Variants in SLC22A23 observed in about 807,000 individuals in gnomAD.
The protein encoded by SLC22A23 is ion transporter protein.
A neutral mutation model predicts 61.0 loss-of-function variants in SLC22A23; 26 were observed. That is an observed-to-expected ratio of 0.43 (90% CI 0.31 to 0.59). SLC22A23 has a LOEUF of 0.59. Ranked by LOEUF, SLC22A23 falls within the 20% of genes least tolerant of loss-of-function variation. The pLI is 0.11. For missense variants in SLC22A23, 796 were observed against 934.7 expected (o/e 0.85, Z 1.94); for synonymous variants, 430 against 413.9 (o/e 1.04, Z -0.47).
chr6:3,286,827 C>T lies in SLC22A23; in HGVS notation c.1546+32G>A, dbSNP rs1479228272. ...CTTGGGGATCTGCCAGCTTCCCTCC[C>T]TGCACCCAGCCCACCTCCCCGACCC... On this transcript the variant is annotated intron_variant, in intron 7 of 9. Coordinates refer to ENST00000406686, the MANE Select transcript of SLC22A23 (RefSeq NM_015482.2). The surrounding 1 kb of genome is among the most constrained non-coding windows in gnomAD (Gnocchi z 4.2). 6.5e-7 allele frequency: 1 copy of T among 1,547,764 alleles called. No individual in the cohort carries two copies. Among genetic ancestry groups the T allele is most frequent in the Non-Finnish European group, 8.8e-7 (1 of 1,141,544 alleles).
At chr6:3,350,997 C>T (rs1764736757) in intron 3 of SLC22A23, among the ~76,000 whole-genome samples, 1 of 151,240 alleles carries the variant, frequency 6.6e-6, no homozygotes, top group Non-Finnish European at 1.5e-5. Context: ...AAAAAAAATC[C>T]CTTTTGAATT....
intron 1 of SLC22A23, among the ~76,000 whole-genome samples, chr6:3,446,140 G>A (rs1169720690): frequency 6.6e-6 from 1 of 152,180 alleles, no homozygotes; most frequent in Non-Finnish European, 1.5e-5. Flanking sequence ...CAAGCACAAC[G>A]GGAGGGTCAC....
chr6:3,391,559 C>T (rs1767664546), intron 3 of SLC22A23, among the ~76,000 whole-genome samples: 1 of 152,332 alleles, frequency 6.6e-6, no homozygotes, highest in East Asian at 1.9e-4. Context: ...TTCATTCATT[C>T]ATCAAACTAG....
chr6:3,272,019 C>G lies in SLC22A23; in HGVS notation c.*1036G>C, dbSNP rs1758506843. 6.6e-6 allele frequency: 1 copy of G among 152,546 alleles called. No homozygotes were observed. Among genetic ancestry groups the G allele is most frequent in the Non-Finnish European group, 1.5e-5 (1 of 68,238 alleles). The allele number at this position is 152,546 out of a possible 1,614,324, so 9.4% of individuals were successfully genotyped here. A position where few individuals can be genotyped will look rare whatever the true frequency, so the allele number is the denominator to read the frequency against. On this transcript the variant is annotated 3_prime_UTR_variant, in exon 10 of 10. Coordinates refer to ENST00000406686, the MANE Select transcript of SLC22A23 (RefSeq NM_015482.2). ...AGGGGGCCCAGCTCCTGCGGGTGCT[C>G]CCTGGAGTGATGTCTGAGGTGACGG...
At chr6:3,285,396 T>C (rs879134458) in intron 7 of SLC22A23, among the ~76,000 whole-genome samples, 1 of 152,104 alleles carries the variant, frequency 6.6e-6, no homozygotes, top group Admixed American at 6.5e-5. Context: ...GTGCAAAGGG[T>C]GAGCTTCCTT....
intron 3 of SLC22A23, among the ~76,000 whole-genome samples, chr6:3,367,429 G>A (rs144847894): frequency 6.6e-6 from 1 of 152,368 alleles, no homozygotes; most frequent in Non-Finnish European, 1.5e-5. Flanking sequence ...CAAGCTGGCT[G>A]TGACGGCACC....
At chr6:3,369,596 C>T (rs150864743) in intron 3 of SLC22A23, among the ~76,000 whole-genome samples, 1 of 151,568 alleles carries the variant, frequency 6.6e-6, no homozygotes, top group African/African-American at 2.4e-5. Flanking sequence ...GAGGCTGAGG[C>T]AGGAGAATGG....
chr6:3,455,789 T>C (rs536610736), intron 1 of SLC22A23, 117 bp downstream of exon 1: 5 of 1,239,668 alleles, frequency 4.0e-6, no homozygotes, highest in African/African-American at 1.5e-5. Context: ...CAATGCGGAA[T>C]GCCCTACACA....
chr6:3,314,340 G>C (rs982236066), intron 4 of SLC22A23, among the ~76,000 whole-genome samples: 2 of 152,220 alleles, frequency 1.3e-5, no homozygotes, highest in Non-Finnish European at 2.9e-5. Flanking sequence ...GTATGACTGG[G>C]CTGAGCAGGA....
At position 3,298,076 on chromosome 6, in the gene SLC22A23, C is replaced by A. The variant is rs887258058; in HGVS notation, c.1210+15G>T. ...TGGAGCCTCTCTGAGCCCTGCCAGC[C>A]CGCGGTGTGCTCACCTGGTATCACA... On this transcript the variant is annotated intron_variant, in intron 5 of 9. Coordinates refer to ENST00000406686, the MANE Select transcript of SLC22A23 (RefSeq NM_015482.2). 1.3e-6 allele frequency: 2 copies of A among 1,511,866 alleles called. No homozygotes were observed. Among genetic ancestry groups the A allele is most frequent in the Non-Finnish European group, 8.8e-7 (1 of 1,133,886 alleles). 93.7% of individuals were successfully genotyped at this position (1,511,866 alleles called of 1,614,324 possible). A position where few individuals can be genotyped will look rare whatever the true frequency, so the allele number is the denominator to read the frequency against.
chr6:3,290,137 G>C (rs2127332775), intron 5 of SLC22A23: 1 of 515,966 alleles, frequency 1.9e-6, no homozygotes, highest in Non-Finnish European at 3.5e-6. Flanking sequence ...ACAAACCCTT[G>C]TTTTGGAACC....
rs555382787 is a variant in SLC22A23 at position 3,342,904 on chromosome 6, T to A, written c.914-18902A>T. Among the ~76,000 whole-genome samples, 1 of 152,276 alleles carries A rather than the reference T, an allele frequency of 6.6e-6. No homozygotes were observed. The highest frequency in any genetic ancestry group is 1.5e-5 in the Non-Finnish European group (1 of 68,028). On this transcript the variant is annotated intron_variant, in intron 3 of 9. Coordinates refer to ENST00000406686, the MANE Select transcript of SLC22A23 (RefSeq NM_015482.2). This position sits in a 1 kb window ranked among gnomAD's most constrained non-coding sequence, Gnocchi z 4.0. ...AGAGGTTGGAATTTGGGGCTTTATA[T>A]ACCATCCTAATGCAGGGAAGGGGTT...
chr6:3,448,516 G>A (rs897201734), intron 1 of SLC22A23, among the ~76,000 whole-genome samples: 6 of 151,696 alleles, frequency 4.0e-5, no homozygotes, highest in African/African-American at 9.7e-5. Flanking sequence ...TTTTTGAGAC[G>A]GAGCCTGGCT....
At chr6:3,296,523 T>C (rs1226057718) in intron 5 of SLC22A23, among the ~76,000 whole-genome samples, 1 of 152,192 alleles carries the variant, frequency 6.6e-6, no homozygotes, top group Non-Finnish European at 1.5e-5. Flanking sequence ...TATGAATTAA[T>C]ATTTGCAAAT....
At chr6:3,292,059 G>A (rs1278268281) in intron 5 of SLC22A23, 1 of 152,206 alleles carries the variant, frequency 6.6e-6, no homozygotes, top group Admixed American at 6.5e-5. Context: ...CAGGGCTATT[G>A]ATATGTTTTC....
chr6:3,362,072 C>T (rs1581751531), intron 3 of SLC22A23, among the ~76,000 whole-genome samples: 1 of 148,962 alleles, frequency 6.7e-6, no homozygotes, highest in Non-Finnish European at 1.5e-5. Context: ...CTGTGAGGTC[C>T]TCTAGGGAAA....
At chr6:3,325,121 G>A (rs1010455336) in intron 3 of SLC22A23, among the ~76,000 whole-genome samples, 2 of 152,132 alleles carry the variant, frequency 1.3e-5, no homozygotes, top group African/African-American at 2.4e-5. Context: ...AGGAGGAGGG[G>A]GAAGAAGAAG....
At chr6:3,404,902 G>T (rs901365467) in intron 3 of SLC22A23, among the ~76,000 whole-genome samples, 1 of 151,706 alleles carries the variant, frequency 6.6e-6, no homozygotes, top group African/African-American at 2.4e-5. Flanking sequence ...AATCTGCTCC[G>T]ATTTCCCTGT....
rs1763370185 is a variant in SLC22A23, at chr6:3,327,928, C to T, written c.914-3926G>A. Reference sequence around the variant, plus strand: ...ATAAGGTCATGTGTGAAATTTTCTACTTGTGGTGTCATTTAGGTGCTCAAA... The same window carrying T: ...ATAAGGTCATGTGTGAAATTTTCTATTTGTGGTGTCATTTAGGTGCTCAAA... On this transcript the variant is annotated intron_variant, in intron 3 of 9. Transcript: ENST00000406686. This position sits in a 1 kb window ranked among gnomAD's most constrained non-coding sequence, Gnocchi z 4.1. Among the ~76,000 whole-genome samples, 1 of 152,080 alleles carries T rather than the reference C, an allele frequency of 6.6e-6. No individual in the cohort carries two copies. The highest frequency in any genetic ancestry group is 6.6e-5 in the Admixed American group (1 of 15,262).
Sources: allele counts gnomAD v4.1 joint callset (sites outside exome capture counted in the v4.1 genomes callset), GRCh38; gene constraint gnomAD v4.1.1; non-coding constraint Gnocchi (gnomAD v3.1); transcripts MANE v1.5; gene names NCBI Gene and HGNC (gene_info 2026-07-23, HGNC 2026-07-21).